The following AKR1E2 variants were observed in gnomAD, a reference collection of about 807,000 sequenced individuals.
AKR1E2 encodes 1,5-anhydro-D-fructose reductase.
Under a neutral mutation model 41.9 loss-of-function variants are expected in AKR1E2, and 43 were observed. The observed-to-expected ratio is 1.03, with a 90% CI of 0.80 to 1.32. The LOEUF is 1.32. Among genes scored for constraint, AKR1E2 ranks in the 40% most tolerant of loss-of-function variants. AKR1E2 has a pLI of 0.00. For missense variants in AKR1E2, 423 were observed against 396.5 expected, an observed-to-expected ratio of 1.07 and a Z score of -0.57; for synonymous variants, 121 against 138.9, an observed-to-expected ratio of 0.87 and a Z score of 0.91.
chr10:4,832,476 A>G (rs1382333196), intron 2 of AKR1E2, among the ~76,000 whole-genome samples: 2 of 152,206 alleles, frequency 1.3e-5, no homozygotes, highest in Non-Finnish European at 2.9e-5. Context: ...GGAGATTTCT[A>G]AGGCTCACCC....
rs569289135 is a variant in AKR1E2, at chr10:4,844,693, G to A, written c.837+2189G>A. Among the ~76,000 whole-genome samples the A allele has an allele frequency of 2.2e-3, 328 of 152,288 alleles. 1 individual carries two copies. Among genetic ancestry groups the A allele is most frequent in the African/African-American group, 7.5e-3 (311 of 41,554 alleles). On this transcript the variant is annotated intron_variant, in intron 8 of 9. Coordinates refer to ENST00000298375, the MANE Select transcript of AKR1E2 (RefSeq NM_001040177.3). Reference sequence around the variant, plus strand: ...CCAGAGTAGCTAGATACAGAGTGTCGATTGGTGCATTCACAAACCGTGAGC... The same window carrying A: ...CCAGAGTAGCTAGATACAGAGTGTCAATTGGTGCATTCACAAACCGTGAGC...
Position 4,841,793 on chromosome 10 carries a change from T to C in AKR1E2, c.689T>C (p.Val230Ala), listed in dbSNP as rs770446868. The C allele has an allele frequency of 3.1e-6, 5 of 1,612,000 alleles. No individual in the cohort carries two copies. The highest frequency in any genetic ancestry group is 1.1e-5 in the South Asian group (1 of 90,732). The change falls in exon 7 of 10, where the codon GTT (valine) becomes GCT (alanine). Residue 230 changes from valine to alanine, a missense_variant. Physicochemically the swap from Val to Ala is moderately conservative, Grantham distance 64. Coordinates refer to ENST00000298375, the MANE Select transcript of AKR1E2 (RefSeq NM_001040177.3). ...YRPLGGSCEG[V>A]DLIDNPVIKR... ...GTACTGTGTCTCTCTAGTGAGGGGGTTGACCTGATAGACAACCCTGTGATC... is the reference window on the plus strand; with the variant it reads ...GTACTGTGTCTCTCTAGTGAGGGGGCTGACCTGATAGACAACCCTGTGATC...
At chr10:4,830,026 T>G (rs185420670) in intron 1 of AKR1E2, among the ~76,000 whole-genome samples, 1 of 152,352 alleles carries the variant, frequency 6.6e-6, no homozygotes. Flanking sequence ...ATGAAGATAA[T>G]TATGCTGCTC....
intron 1 of AKR1E2, among the ~76,000 whole-genome samples, 176 bp from the exon 2 acceptor site, chr10:4,830,494 CTTAGA>C (rs1490686227): frequency 6.6e-6 from 1 of 152,040 alleles, no homozygotes. Context: ...GGAGTTGGAA[CTTAGA>C]TTATTCATAA....
downstream of AKR1E2, among the ~76,000 whole-genome samples, chr10:4,848,456 C>T (rs1030150365): frequency 1.3e-5 from 2 of 152,228 alleles, no homozygotes; most frequent in Non-Finnish European, 2.9e-5. Context: ...GCTGTCTGCT[C>T]AGTGAATCTG....
Position 4,847,473 on chromosome 10 carries a change from T to C in AKR1E2, c.921-15T>C. ...TTCTTTGTTCCTATTTTTGATTTGT[T>C]TTTCTGTTTTTCAGAACTAAAAATC... is the stretch of plus-strand genomic sequence containing the variant. On this transcript the variant is annotated splice_polypyrimidine_tract_variant and intron_variant, in intron 9 of 9. Transcript: ENST00000298375. The C allele has an allele frequency of 1.9e-6, 3 of 1,610,386 alleles. No homozygotes were observed. Among genetic ancestry groups the C allele is most frequent in the Non-Finnish European group, 2.5e-6 (3 of 1,178,418 alleles).
the AKR1E2 span, among the ~76,000 whole-genome samples, chr10:4,855,267 G>A: frequency 6.6e-6 from 1 of 152,172 alleles, no homozygotes; most frequent in Non-Finnish European, 1.5e-5. Context: ...ATGGAAAAAA[G>A]GATTTGTGAG....
chr10:4,851,460 A>G (rs1834525889), downstream of AKR1E2, among the ~76,000 whole-genome samples: 1 of 152,214 alleles, frequency 6.6e-6, no homozygotes, highest in South Asian at 2.1e-4. Flanking sequence ...TGTCTTCACC[A>G]ACTGGTTTCT....
At position 4,826,207 on chromosome 10, in the gene AKR1E2, G is replaced by A. The variant is rs1021191274; in HGVS notation, c.-118G>A. The A allele has an allele frequency of 5.2e-6, 4 of 775,772 alleles. No individual in the cohort carries two copies. Among genetic ancestry groups the A allele is most frequent in the East Asian group, 3.4e-5 (1 of 29,524 alleles). The allele number at this position is 775,772 out of a possible 1,614,324, so 48.1% of individuals were successfully genotyped here. ...TCCAGCCATTGTCGGAGTGTCAGCCGTCACAAGGCACTTCCAGCCAGTCGC... is the reference window on the plus strand; with the variant it reads ...TCCAGCCATTGTCGGAGTGTCAGCCATCACAAGGCACTTCCAGCCAGTCGC... On this transcript the variant is annotated 5_prime_UTR_variant, in exon 1 of 10. Transcript: ENST00000298375.
At chr10:4,825,817 GC>G (rs1332929603), upstream of AKR1E2, among the ~76,000 whole-genome samples, 2 of 152,314 alleles carry the variant, frequency 1.3e-5, no homozygotes, top group African/African-American at 4.8e-5. Context: ...CCATGGCGAG[GC>G]CCTGGAACGG....
At chr10:4,850,475 C>T (rs1395438331), downstream of AKR1E2, among the ~76,000 whole-genome samples, 2 of 152,144 alleles carry the variant, frequency 1.3e-5, no homozygotes, top group African/African-American at 2.4e-5. Flanking sequence ...GGCAGGGCCT[C>T]GCTGACTGAT....
In AKR1E2 at chr10:4,843,428, G is replaced by A. The variant is rs141157209; in HGVS notation, c.837+924G>A. On this transcript the variant is annotated intron_variant, in intron 8 of 9. Transcript: ENST00000298375. ...CTCACAGGCAACGACAGGCATTGGT[G>A]GCAGCCCACACCCATTGATCATGTC... Among the ~76,000 whole-genome samples, 507 of 152,310 alleles carry A rather than the reference G, an allele frequency of 3.3e-3. 2 individuals carry two copies. Among genetic ancestry groups the A allele is most frequent in the African/African-American group, 0.012 (484 of 41,564 alleles).
At chr10:4,867,857 TC>T in the AKR1E2 span, among the ~76,000 whole-genome samples, 214 of 152,224 alleles carry the variant, frequency 1.4e-3, 1 homozygote, top group African/African-American at 4.8e-3. Flanking sequence ...GTCCTCAGGG[TC>T]CGTCTTTCTT....
chr10:4,831,692 T>G (rs1832979936), intron 2 of AKR1E2, among the ~76,000 whole-genome samples: 1 of 152,182 alleles, frequency 6.6e-6, no homozygotes, highest in African/African-American at 2.4e-5. Flanking sequence ...TCACTTGGTC[T>G]CTCTGGACCA....
At chr10:4,846,095 C>T in intron 8 of AKR1E2, 1 of 318,088 alleles carries the variant, frequency 3.1e-6, no homozygotes, top group Non-Finnish European at 6.3e-6. Context: ...CTTGCTGTTC[C>T]CCTTAAACCC....
the AKR1E2 span, among the ~76,000 whole-genome samples, chr10:4,855,315 G>A: frequency 1.3e-5 from 2 of 152,220 alleles, no homozygotes; most frequent in Admixed American, 6.5e-5. Context: ...TGTGCTTTGT[G>A]TGTCTTTCTG....
At chr10:4,872,258 CTTT>C in the AKR1E2 span, among the ~76,000 whole-genome samples, 1 of 152,054 alleles carries the variant, frequency 6.6e-6, no homozygotes, top group South Asian at 2.1e-4. Context: ...CAAATTCTCT[CTTT>C]TTTAAAACAA....
chr10:4,871,197 T>C, the AKR1E2 span, among the ~76,000 whole-genome samples: 1 of 152,160 alleles, frequency 6.6e-6, no homozygotes, highest in Non-Finnish European at 1.5e-5. Flanking sequence ...TTGAAACTTT[T>C]TGTTTTTTCA....
the AKR1E2 span, among the ~76,000 whole-genome samples, chr10:4,861,403 C>T: frequency 6.6e-6 from 1 of 152,086 alleles, no homozygotes; most frequent in African/African-American, 2.4e-5. Flanking sequence ...TGGAGTCTCA[C>T]TCCATTGTCC....
Sources: gnomAD v4.1 joint callset for allele counts (sites outside exome capture counted in the v4.1 genomes callset) on GRCh38, gnomAD v4.1.1 for gene constraint, MANE v1.5 for transcripts, NCBI Gene and HGNC (gene_info 2026-07-23, HGNC 2026-07-21) for gene names.